The following RPS6KA5 variants were observed in gnomAD, a reference collection of about 807,000 sequenced individuals.
RPS6KA5 encodes the protein ribosomal protein S6 kinase A5.
In RPS6KA5, 27 loss-of-function variants were observed where a neutral mutation model predicts 85.5. That is an observed-to-expected ratio of 0.32 (90% CI 0.23 to 0.44). The LOEUF is 0.44. RPS6KA5 is among the 20% of genes least tolerant of loss of function. RPS6KA5 has a pLI of 1.00. For missense variants in RPS6KA5, 811 were observed against 980.9 expected (o/e 0.83, Z 2.31); for synonymous variants, 334 against 348.2 (o/e 0.96, Z 0.46).
At position 90,866,967 on chromosome 14, in the gene RPS6KA5, T is replaced by C. The variant is rs538511329; in HGVS notation, c.*5107A>G. On this transcript the variant is annotated 3_prime_UTR_variant, in exon 17 of 17. Coordinates refer to ENST00000614987, the MANE Select transcript of RPS6KA5 (RefSeq NM_004755.4). Reference sequence around the variant, plus strand: ...AAATAAACTATTAGGAATAACTGAATGCCTACCACAGCAACAGAGCTTTAA... The same window carrying C: ...AAATAAACTATTAGGAATAACTGAACGCCTACCACAGCAACAGAGCTTTAA... 32 of 152,348 alleles carry C rather than the reference T, an allele frequency of 2.1e-4. No homozygotes were observed. The highest frequency in any genetic ancestry group is 1.9e-3 in the Admixed American group (29 of 15,302). 9.4% of individuals were successfully genotyped at this position (152,348 alleles called of 1,614,324 possible). A position where few individuals can be genotyped will look rare whatever the true frequency, so the allele number is the denominator to read the frequency against.
intron 1 of RPS6KA5, among the ~76,000 whole-genome samples, chr14:91,016,830 A>G (rs961032827): frequency 2.0e-5 from 3 of 150,824 alleles, no homozygotes; most frequent in Non-Finnish European, 4.4e-5. Context: ...AAGAAAGTGT[A>G]AGGAAGAGGT....
intron 1 of RPS6KA5, among the ~76,000 whole-genome samples, chr14:91,010,536 G>A (rs2041214492): frequency 6.6e-6 from 1 of 152,140 alleles, no homozygotes; most frequent in Non-Finnish European, 1.5e-5. Flanking sequence ...GTCAAAATGG[G>A]CATCTAACAG....
chr14:91,034,655 C>A (rs1413952284), intron 1 of RPS6KA5, among the ~76,000 whole-genome samples: 3 of 152,208 alleles, frequency 2.0e-5, no homozygotes, highest in Non-Finnish European at 4.4e-5. Flanking sequence ...CAGCCAGCAG[C>A]AGCAACCTGC....
At chr14:90,905,078 G>A (rs950457934) in intron 8 of RPS6KA5, among the ~76,000 whole-genome samples, 2 of 152,054 alleles carry the variant, frequency 1.3e-5, no homozygotes, top group African/African-American at 4.8e-5. Context: ...TATTCTAAAT[G>A]TATTTCTCAT....
rs1418607442 is a variant in RPS6KA5 at position 90,883,805 on chromosome 14, T to C, written c.1836+6682A>G. ...CTTTTTTTGTGTTTGTTTTTGTTTA[T>C]TGCTTTTCGTTTTTTGATTGTTATA... On this transcript the variant is annotated intron_variant, in intron 14 of 16. Transcript: ENST00000614987. 3.3e-5 allele frequency among the ~76,000 whole-genome samples: 5 copies of C among 152,346 alleles called. No individual in the cohort carries two copies. In the South Asian group the frequency reaches 6.2e-4, roughly 19 times the overall value.
intron 14 of RPS6KA5, among the ~76,000 whole-genome samples, chr14:90,886,258 A>G (rs2034219845): frequency 1.3e-5 from 2 of 152,252 alleles, no homozygotes; most frequent in African/African-American, 4.8e-5. Flanking sequence ...TAAAATGTTC[A>G]AAATAAAATT....
At chr14:90,894,014 C>A in intron 13 of RPS6KA5, 1 of 895,490 alleles carries the variant, frequency 1.1e-6, no homozygotes, top group Non-Finnish European at 1.3e-6. Context: ...ATGAGCTAAC[C>A]AATTTGATTA....
intron 1 of RPS6KA5, among the ~76,000 whole-genome samples, chr14:91,030,611 G>GGA (rs1348567241): frequency 9.1e-4 from 20 of 22,024 alleles, no homozygotes; most frequent in Non-Finnish European, 1.4e-3. Context: ...AAAATAAACA[G>GGA]AAAAAAAAAA....
chr14:91,022,356 G>A (rs1270465970), intron 1 of RPS6KA5, among the ~76,000 whole-genome samples: 1 of 152,190 alleles, frequency 6.6e-6, no homozygotes, highest in Non-Finnish European at 1.5e-5. Flanking sequence ...CCAATGGAAT[G>A]TGAAGTATAT....
rs1298613153 is a variant in RPS6KA5 at position 90,854,003 on chromosome 14, T to G, written c.*18071A>C. On this transcript the variant is annotated 3_prime_UTR_variant, in exon 17 of 17. Transcript: ENST00000614987. ...AGGAGTGAGGGGCAGTCTTATTAAT[T>G]TGGTATTGTAAGCCCCCAATACATG... is the stretch of plus-strand genomic sequence containing the variant. 2 of 152,196 alleles carry G rather than the reference T, an allele frequency of 1.3e-5. No individual in the cohort carries two copies. The highest frequency in any genetic ancestry group is 2.4e-5 in the African/African-American group (1 of 41,452). 9.4% of individuals were successfully genotyped at this position (152,196 alleles called of 1,614,324 possible). A position where few individuals can be genotyped will look rare whatever the true frequency, so the allele number is the denominator to read the frequency against.
At chr14:90,927,566 A>C (rs1485485238) in intron 5 of RPS6KA5, among the ~76,000 whole-genome samples, 1 of 151,908 alleles carries the variant, frequency 6.6e-6, no homozygotes, top group Non-Finnish European at 1.5e-5. Flanking sequence ...TATTAATAGG[A>C]GGAGAAATGA....
chr14:90,850,238 G>A lies in RPS6KA5; in HGVS notation c.*21836C>T, dbSNP rs140904439. 6.6e-6 allele frequency: 1 copy of A among 152,230 alleles called. No homozygotes were observed. Among genetic ancestry groups the A allele is most frequent in the East Asian group, 1.9e-4 (1 of 5,192 alleles). The allele number at this position is 152,230 out of a possible 1,614,324, so 9.4% of individuals were successfully genotyped here. On this transcript the variant is annotated 3_prime_UTR_variant, in exon 17 of 17. Transcript: ENST00000614987. ...TTGACCTGAAATGAACTGCTTCAAC[G>A]TGTTCTGAAGGACCTTTAAATAAGA...
chr14:90,947,353 T>G, intron 4 of RPS6KA5, 82 bp downstream of exon 4: 2 of 757,296 alleles, frequency 2.6e-6, no homozygotes, highest in Admixed American at 4.5e-5. Context: ...CAATAACATG[T>G]AAAAACATTA....
At chr14:90,922,029 C>CA (rs1367827734) in intron 6 of RPS6KA5, among the ~76,000 whole-genome samples, 1 of 151,888 alleles carries the variant, frequency 6.6e-6, no homozygotes, top group East Asian at 1.9e-4. Context: ...GAGAGGAGGC[C>CA]AAAAAAATTG....
chr14:90,938,294 C>T (rs1455383627), intron 5 of RPS6KA5, among the ~76,000 whole-genome samples: 1 of 152,240 alleles, frequency 6.6e-6, no homozygotes, highest in Non-Finnish European at 1.5e-5. Context: ...AGCTCCGCCC[C>T]TGTGGCTTTG....
intron 14 of RPS6KA5, 101 bp downstream of exon 14, chr14:90,890,386 C>T: frequency 1.9e-6 from 2 of 1,053,742 alleles, no homozygotes; most frequent in Non-Finnish European, 1.3e-6. Flanking sequence ...AACCACTTTG[C>T]CAATTTTTTC....
At chr14:90,942,325 T>G (rs1450339977) in intron 5 of RPS6KA5, among the ~76,000 whole-genome samples, 2 of 152,198 alleles carry the variant, frequency 1.3e-5, no homozygotes, top group Non-Finnish European at 2.9e-5. Context: ...AATTTTAGTA[T>G]GATTTCATAT....
At chr14:90,971,931 T>C (rs1014646953) in intron 3 of RPS6KA5, among the ~76,000 whole-genome samples, 1 of 152,064 alleles carries the variant, frequency 6.6e-6, no homozygotes. Flanking sequence ...GGTAGGAAAA[T>C]GTAGTAAGAT....
intron 14 of RPS6KA5, among the ~76,000 whole-genome samples, chr14:90,882,887 T>G (rs567005821): frequency 6.6e-6 from 1 of 151,928 alleles, no homozygotes. Flanking sequence ...AACCTCCGCC[T>G]CCCAAGTTCA....
Sources: gnomAD v4.1 joint callset for allele counts (sites outside exome capture counted in the v4.1 genomes callset) on GRCh38, gnomAD v4.1.1 for gene constraint, MANE v1.5 for transcripts, NCBI Gene and HGNC (gene_info 2026-07-23, HGNC 2026-07-21) for gene names.